The following FAM186A variants were observed in gnomAD, a reference collection of about 807,000 sequenced individuals.
FAM186A encodes the protein protein FAM186A.
In FAM186A, 163 loss-of-function variants were observed where a neutral mutation model predicts 216.8. The ratio of observed to expected loss-of-function variants is 0.75; its 90% CI spans 0.66 to 0.86. The LOEUF (loss-of-function observed/expected upper bound fraction) is 0.86, where lower values mean the gene tolerates loss of function less well. Ranked by LOEUF, FAM186A falls within the 40% of genes least tolerant of loss-of-function variation. FAM186A has a pLI of 0.00. For missense variants in FAM186A, 2,184 were observed against 2,746.2 expected (o/e 0.80, Z 4.58); for synonymous variants, 805 against 1,025.3 (o/e 0.79, Z 4.10).
intron 1 of FAM186A, among the ~76,000 whole-genome samples, chr12:50,379,511 G>A (rs1943234738): frequency 6.6e-6 from 1 of 150,550 alleles, no homozygotes; most frequent in Admixed American, 6.7e-5. Flanking sequence ...CACAGGCCGG[G>A]CTCAGTGGCT....
chr12:50,351,964 A>C lies in FAM186A; in HGVS notation c.4868T>G (p.Leu1623Arg). Residue 1623 changes from leucine (L) to arginine (R), a missense_variant, in exon 4 of 8, where the codon CTG becomes CGG. This residue lies in a region of FAM186A where 26 missense variants were observed against 44.5 expected (regional missense o/e 0.58). Transcript: ENST00000327337. ...IPLTPQQAQA[L>R]GISLTPQQAQ... Reference sequence around the variant, plus strand: ...CTGCTGAGGGGTGAGAGAGATCCCCAGAGCCTGGGCCTGCTGAGGGGTGAG... The same window carrying C: ...CTGCTGAGGGGTGAGAGAGATCCCCCGAGCCTGGGCCTGCTGAGGGGTGAG... The C allele has an allele frequency of 6.5e-7, 1 of 1,532,828 alleles. No individual in the cohort carries two copies. The highest frequency in any genetic ancestry group is 8.8e-7 in the Non-Finnish European group (1 of 1,136,166). 95.0% of individuals were successfully genotyped at this position (1,532,828 alleles called of 1,614,324 possible).
rs151054524 is a variant in FAM186A, at chr12:50,390,559, G to A, written c.192+5734C>T. The stretch of plus-strand genomic sequence containing the variant: ...TAGCCAATGCCATAGGTCAGTGTGA[G>A]TCAGACTATTTTGATTGCTGCTTTC... On this transcript the variant is annotated intron_variant, in intron 1 of 7. Coordinates refer to ENST00000327337, the MANE Select transcript of FAM186A (RefSeq NM_001145475.3). Among the ~76,000 whole-genome samples, 48 of 152,334 alleles carry A rather than the reference G, an allele frequency of 3.2e-4. 1 individual carries two copies. The highest frequency in any genetic ancestry group is 1.4e-3 in the Admixed American group (21 of 15,296).
chr12:50,350,599 A>G lies in FAM186A; in HGVS notation c.6233T>C (p.Ile2078Thr). Residue 2078 changes from isoleucine (I) to threonine (T), a missense_variant, in exon 4 of 8, where the codon ATA (isoleucine) becomes ACA (threonine). Physicochemically the swap from Ile to Thr is moderately conservative, Grantham distance 89. Transcript: ENST00000327337. ...SRFPPIDKPW[I>T]LSSVSDTKKP... ...CTTGGTATCTGAAACTGAACTCAGT[A>G]TCCAGGGCTTGTCTATAGGAGGGAA... The G allele has an allele frequency of 6.4e-7, 1 of 1,551,664 alleles. No homozygotes were observed. Among genetic ancestry groups the G allele is most frequent in the African/African-American group, 1.4e-5 (1 of 73,158 alleles).
Position 50,383,714 on chromosome 12 carries a change from A to C in FAM186A, c.192+12579T>G, listed in dbSNP as rs574558223. On this transcript the variant is annotated intron_variant, in intron 1 of 7. Coordinates refer to ENST00000327337, the MANE Select transcript of FAM186A (RefSeq NM_001145475.3). The stretch of plus-strand genomic sequence containing the variant: ...GGCTGGCTGTGGTTTTTCTCTTGCC[A>C]TGACAACTTCTAATTGCCATGTACA... 7.2e-5 allele frequency among the ~76,000 whole-genome samples: 11 copies of C among 152,264 alleles called. No individual in the cohort carries two copies. In the South Asian group the frequency reaches 2.1e-3, roughly 29 times the overall value.
At chr12:50,334,482 AATTTT>A (rs1220819706) in intron 4 of FAM186A, among the ~76,000 whole-genome samples, 1 of 148,138 alleles carries the variant, frequency 6.8e-6, no homozygotes, top group Non-Finnish European at 1.5e-5. Context: ...TTTTTAATTT[AATTTT>A]ATTTTTTTGA....
chr12:50,374,394 G>A (rs759290082), intron 1 of FAM186A, among the ~76,000 whole-genome samples: 103 of 151,664 alleles, frequency 6.8e-4, no homozygotes, highest in Non-Finnish European at 1.0e-3. Context: ...ACAGATAGGT[G>A]ACCAATAAAA....
chr12:50,329,168 T>C (rs1186864605), intron 7 of FAM186A, among the ~76,000 whole-genome samples: 1 of 151,692 alleles, frequency 6.6e-6, no homozygotes, highest in Non-Finnish European at 1.5e-5. Flanking sequence ...GAAATAAGAG[T>C]CTGCAGGGAT....
Position 50,396,385 on chromosome 12 carries a change from T to G in FAM186A, c.100A>C (p.Ser34Arg). 1 of 1,551,660 alleles carries G rather than the reference T, an allele frequency of 6.4e-7. No homozygotes were observed. Among genetic ancestry groups the G allele is most frequent in the Non-Finnish European group, 8.7e-7 (1 of 1,146,976 alleles). Residue 34 changes from serine to arginine, a missense_variant, in exon 1 of 8, where the codon AGT (serine) becomes CGT (arginine). Around this residue, in one of 7 missense-constraint regions of FAM186A, gnomAD observed 1,132 missense variants for 1,263.4 expected, o/e 0.90. Transcript: ENST00000327337. ...IMRREPQNIL[S>R]PLMLPNLEIP... ...TCAAGGTTAGGGAGCATCAAAGGACTAAGGATATTTTGGGGCTCTCTTCTC... is the reference window on the plus strand; with the variant it reads ...TCAAGGTTAGGGAGCATCAAAGGACGAAGGATATTTTGGGGCTCTCTTCTC...
intron 5 of FAM186A, 114 bp from the exon 6 acceptor site, chr12:50,331,935 G>T: frequency 2.2e-6 from 2 of 889,344 alleles, no homozygotes; most frequent in Non-Finnish European, 3.3e-6. Flanking sequence ...CCATGGATTT[G>T]CAAATCCTCT....
Position 50,360,833 on chromosome 12 carries a change from A to G in FAM186A, c.506T>C (p.Ile169Thr), listed in dbSNP as rs1305092577. The change falls in exon 3 of 8, where the codon ATT becomes ACT. Residue 169 changes from isoleucine to threonine, a missense_variant. Transcript: ENST00000327337. The part of the protein sequence containing the change: ...MELLPDTLKA[I>T]ENNVKILSRF... ...GCTTAGTATCTTGACATTGTTCTCA[A>G]TAGCTTTTAACGTGTCCGGTAACAA... 4.5e-6 allele frequency: 7 copies of G among 1,551,090 alleles called. No homozygotes were observed. In the African/African-American group the frequency reaches 9.6e-5, roughly 21 times the overall value.
chr12:50,387,835 C>T (rs928192949), intron 1 of FAM186A, among the ~76,000 whole-genome samples: 7 of 152,160 alleles, frequency 4.6e-5, no homozygotes, highest in African/African-American at 1.7e-4. Flanking sequence ...GTCTGCAGCT[C>T]GACTTTACAG....
intron 4 of FAM186A, among the ~76,000 whole-genome samples, chr12:50,346,957 G>T (rs1942825431): frequency 6.9e-6 from 1 of 144,182 alleles, no homozygotes; most frequent in Non-Finnish European, 1.5e-5. Flanking sequence ...ACAAAAAAAA[G>T]ATGTATAATT....
At chr12:50,394,630 T>G (rs892435202) in intron 1 of FAM186A, among the ~76,000 whole-genome samples, 1 of 151,536 alleles carries the variant, frequency 6.6e-6, no homozygotes, top group South Asian at 2.1e-4. Flanking sequence ...TCTTACTATG[T>G]TGCCCAGACT....
chr12:50,372,152 G>A lies in FAM186A; in HGVS notation c.193-8788C>T, dbSNP rs116553178. Among the ~76,000 whole-genome samples the A allele has an allele frequency of 5.6e-3, 857 of 151,994 alleles. 6 individuals carry two copies. The highest frequency in any genetic ancestry group is 0.02 in the African/African-American group (836 of 41,462). ...TTAATTTAAAAAGGAATAATCAAAC[G>A]TTAAGTATGGAAATACTGGAATCAG... On this transcript the variant is annotated intron_variant, in intron 1 of 7. Coordinates refer to ENST00000327337, the MANE Select transcript of FAM186A (RefSeq NM_001145475.3).
chr12:50,334,064 AG>A lies in FAM186A; in HGVS notation c.6542del (p.Thr2181MetfsTer12). On this transcript the variant is annotated frameshift_variant, in exon 5 of 8. Transcript: ENST00000327337. LOFTEE classifies it high-confidence loss of function. ...IMKRLKAIQN[T>X]GKGYEARNLH... is the part of the protein sequence containing the mutation. Reference sequence around the variant, plus strand: ...GGTTCCTGGCCTCATAGCCTTTCCCAGTATTTTGGATGGCTTTTAGTCGTTT... The same window carrying A: ...GGTTCCTGGCCTCATAGCCTTTCCCATATTTTGGATGGCTTTTAGTCGTTT... 1 of 1,549,260 alleles carries A rather than the reference AG, an allele frequency of 6.5e-7. No homozygotes were observed. The highest frequency in any genetic ancestry group is 2.4e-5 in the East Asian group (1 of 40,886).
At position 50,352,536 on chromosome 12, in the gene FAM186A, C is replaced by T. The variant is rs1260077643; in HGVS notation, c.4296G>A (p.Glu1432=). 6.7e-7 allele frequency: 1 copy of T among 1,493,322 alleles called. No homozygotes were observed. The allele number at this position is 1,493,322 out of a possible 1,614,324, so 92.5% of individuals were successfully genotyped here. ...GGGCCTGCTGAGGGGTGAGAGTGAT[C>T]TCCTGAGCCTGTGCCTGCTGAGGGG... ...PFTPQQAQAQ[E]ITLTPQQAQA... Residue 1432 remains glutamate (E), a synonymous_variant, in exon 4 of 8, where the codon GAG becomes GAA. Transcript: ENST00000327337.
chr12:50,374,798 A>C (rs1373147229), intron 1 of FAM186A, among the ~76,000 whole-genome samples: 1 of 152,214 alleles, frequency 6.6e-6, no homozygotes, highest in Non-Finnish European at 1.5e-5. Context: ...TCAAAAAAAG[A>C]AATACAGGAA....
In FAM186A at chr12:50,350,318, A is replaced by G; in HGVS notation, c.6503+11T>C. The G allele has an allele frequency of 1.3e-6, 2 of 1,502,846 alleles. No homozygotes were observed. The highest frequency in any genetic ancestry group is 1.8e-6 in the Non-Finnish European group (2 of 1,123,672). The allele number at this position is 1,502,846 out of a possible 1,614,324, so 93.1% of individuals were successfully genotyped here. ...TAAACCAGAAAACTAGACGTAAATA[A>G]TTATATCTACCTGGCATGCTGGATC... On this transcript the variant is annotated intron_variant, in intron 4 of 7. Transcript: ENST00000327337.
intron 4 of FAM186A, among the ~76,000 whole-genome samples, chr12:50,346,994 T>C (rs1257233106): frequency 4.4e-5 from 2 of 45,328 alleles, no homozygotes; most frequent in Non-Finnish European, 9.2e-5. Context: ...TAAGACTCTG[T>C]CTCAAAAAAA....
Sources: gnomAD v4.1 joint callset for allele counts (sites outside exome capture counted in the v4.1 genomes callset) on GRCh38, gnomAD v4.1.1 for gene constraint, gnomAD v4.1.1 regional missense constraint, MANE v1.5 for transcripts, NCBI Gene and HGNC (gene_info 2026-07-23, HGNC 2026-07-21) for gene names.